CCDC171: variants seen among roughly 807,000 people sequenced by gnomAD.
CCDC171 encodes the protein coiled-coil domain-containing protein 171.
In CCDC171, 177 loss-of-function variants were observed where a neutral mutation model predicts 168.2. The observed-to-expected ratio is 1.05, with a 90% CI of 0.93 to 1.19. The LOEUF is 1.19. Among genes scored for constraint, CCDC171 ranks in the 50% most tolerant of loss-of-function variants. CCDC171 has a pLI of 0.00. For missense variants in CCDC171, 1,991 were observed against 1,539.0 expected, an observed-to-expected ratio of 1.29 and a Z score of -4.91; for synonymous variants, 687 against 540.8, an observed-to-expected ratio of 1.27 and a Z score of -3.75.
chr9:16,036,087 C>T (rs775085220), intron 7 of CCDC171: 2 of 152,234 alleles, frequency 1.3e-5, no homozygotes, highest in Non-Finnish European at 2.9e-5. Flanking sequence ...TCTTCCCTTC[C>T]TCTAGGCCCT....
intron 7 of CCDC171, 113 bp from the exon 8 acceptor site, chr9:15,657,014 A>G (rs75437936): frequency 0.017 from 8,237 of 473,950 alleles, 329 homozygotes; most frequent in East Asian, 0.11. Context: ...AAAAAAAAAA[A>G]TGAGGCTGCA....
At chr9:16,049,771 C>T (rs546917304) in intron 1 of CCDC171, among the ~76,000 whole-genome samples, 2 of 152,270 alleles carry the variant, frequency 1.3e-5, no homozygotes, top group South Asian at 2.1e-4. Flanking sequence ...TGAGCCAATT[C>T]CCCAATAAAT....
chr9:16,085,613 T>C, the CCDC171 span, among the ~76,000 whole-genome samples: 16 of 152,234 alleles, frequency 1.1e-4, no homozygotes, highest in Admixed American at 1.0e-3. Context: ...ACAGCTACAC[T>C]GGGAAGATTT....
intron 25 of CCDC171, among the ~76,000 whole-genome samples, chr9:15,929,103 T>A (rs1330284286): frequency 6.6e-6 from 1 of 151,442 alleles, no homozygotes; most frequent in Non-Finnish European, 1.5e-5. Context: ...GTATAAACAT[T>A]AATATATATT....
chr9:16,082,086 T>C, the CCDC171 span, among the ~76,000 whole-genome samples: 17 of 152,160 alleles, frequency 1.1e-4, no homozygotes, highest in African/African-American at 3.9e-4. Context: ...CTAAATTACA[T>C]TGGAAAAGGG....
intron 7 of CCDC171, among the ~76,000 whole-genome samples, chr9:15,629,687 A>G (rs1224019401): frequency 2.0e-5 from 3 of 152,168 alleles, no homozygotes; most frequent in East Asian, 1.9e-4. Context: ...CGCCACAAAG[A>G]TGCCCCTCAA....
At chr9:15,792,320 G>C (rs563582671) in intron 21 of CCDC171, among the ~76,000 whole-genome samples, 16 of 152,314 alleles carry the variant, frequency 1.1e-4, no homozygotes, top group African/African-American at 3.1e-4. Context: ...ATATGGGACT[G>C]TGTGAAAAGA....
intron 25 of CCDC171, among the ~76,000 whole-genome samples, chr9:15,943,705 C>G (rs945823324): frequency 1.3e-5 from 2 of 151,920 alleles, no homozygotes; most frequent in African/African-American, 4.8e-5. Flanking sequence ...AGCTCTTTCT[C>G]TTCCCATCTT....
At chr9:16,075,571 A>G in the CCDC171 span, among the ~76,000 whole-genome samples, 1 of 152,118 alleles carries the variant, frequency 6.6e-6, no homozygotes, top group Non-Finnish European at 1.5e-5. Context: ...CCTGGTTGTC[A>G]ATACTAACAA....
chr9:16,052,625 T>C (rs549804078), intron 1 of CCDC171, among the ~76,000 whole-genome samples: 1 of 152,190 alleles, frequency 6.6e-6, no homozygotes, highest in Admixed American at 6.5e-5. Flanking sequence ...ACAACATTCT[T>C]AAGAGTTAAT....
At chr9:15,994,199 A>G (rs894647764) in intron 3 of CCDC171, among the ~76,000 whole-genome samples, 7 of 152,232 alleles carry the variant, frequency 4.6e-5, no homozygotes, top group African/African-American at 9.6e-5. Context: ...ATGTCCATCA[A>G]TGATAGACTG....
intron 16 of CCDC171, among the ~76,000 whole-genome samples, chr9:15,742,425 C>G (rs1176364026): frequency 6.6e-6 from 1 of 152,194 alleles, no homozygotes; most frequent in East Asian, 1.9e-4. Context: ...ATGCTGTTTT[C>G]TGCCTCTTCC....
chr9:15,705,475 A>G (rs1286753627), intron 11 of CCDC171, among the ~76,000 whole-genome samples: 1 of 152,138 alleles, frequency 6.6e-6, no homozygotes, highest in African/African-American at 2.4e-5. Context: ...CATTTCTTGA[A>G]TATGCCAAGC....
At chr9:16,082,355 G>T in the CCDC171 span, among the ~76,000 whole-genome samples, 6 of 152,164 alleles carry the variant, frequency 3.9e-5, no homozygotes, top group Admixed American at 6.5e-5. Flanking sequence ...ATCAATTCAT[G>T]GCTTCATAGC....
intron 3 of CCDC171, among the ~76,000 whole-genome samples, chr9:15,574,631 A>AT (rs1369270995): frequency 6.6e-6 from 1 of 152,152 alleles, no homozygotes; most frequent in African/African-American, 2.4e-5. Flanking sequence ...ATGTAGTTAA[A>AT]TTTTTTAGCC....
the CCDC171 span, among the ~76,000 whole-genome samples, chr9:16,087,341 C>G: frequency 6.6e-6 from 1 of 152,046 alleles, no homozygotes; most frequent in African/African-American, 2.4e-5. Flanking sequence ...GTTAAAGCCT[C>G]CCACTATTAT....
chr9:16,071,404 G>A, the CCDC171 span, among the ~76,000 whole-genome samples: 1 of 152,138 alleles, frequency 6.6e-6, no homozygotes, highest in African/African-American at 2.4e-5. Flanking sequence ...CCTAAGTCAA[G>A]CCCTCGACCT....
At chr9:16,036,924 A>G (rs559217748) in intron 8 of CCDC171, among the ~76,000 whole-genome samples, 3 of 152,246 alleles carry the variant, frequency 2.0e-5, no homozygotes, top group African/African-American at 7.2e-5. Context: ...AGTCAGGCAC[A>G]GAAAGACAAA....
upstream of CCDC171, among the ~76,000 whole-genome samples, chr9:16,037,879 A>C (rs1004789598): frequency 1.3e-5 from 2 of 152,112 alleles, no homozygotes; most frequent in Non-Finnish European, 2.9e-5. Context: ...AGGAGAAGAA[A>C]TATTCAGAGA....
Sources: allele counts gnomAD v4.1 joint callset (sites outside exome capture counted in the v4.1 genomes callset), GRCh38; gene constraint gnomAD v4.1.1; transcripts MANE v1.5; gene names NCBI Gene and HGNC (gene_info 2026-07-23, HGNC 2026-07-21).